PTPRD: variants seen among roughly 807,000 people sequenced by gnomAD.
PTPRD encodes the protein receptor-type tyrosine-protein phosphatase delta.
In PTPRD, 34 loss-of-function variants were observed where a neutral mutation model predicts 214.5. That is an observed-to-expected ratio of 0.16 (90% CI 0.12 to 0.21). The LOEUF (loss-of-function observed/expected upper bound fraction) is 0.21. Among genes scored for constraint, PTPRD ranks in the 10% least tolerant of loss-of-function variants. The pLI is 1.00. For synonymous variants in PTPRD, 1,128 were observed against 845.7 expected (o/e 1.33, Z -5.79); for missense variants, 2,545 against 2,398.7 (o/e 1.06, Z -1.27).
chr9:9,945,415 T>A (rs1462372366), intron 4 of PTPRD, among the ~76,000 whole-genome samples: 4 of 152,116 alleles, frequency 2.6e-5, no homozygotes, highest in Non-Finnish European at 5.9e-5. Flanking sequence ...AGTCCAACTT[T>A]TAGATACTGG....
intron 9 of PTPRD, among the ~76,000 whole-genome samples, chr9:9,233,789 CT>C (rs1324469456): frequency 6.6e-6 from 1 of 152,208 alleles, no homozygotes; most frequent in Non-Finnish European, 1.5e-5. Context: ...AACGCCATGT[CT>C]CACATCCAGT....
intron 8 of PTPRD, among the ~76,000 whole-genome samples, chr9:9,402,677 T>C (rs142912848): frequency 1.3e-5 from 2 of 151,832 alleles, no homozygotes; most frequent in African/African-American, 4.8e-5. Flanking sequence ...GATTATGAAA[T>C]GAGTATTTAA....
chr9:9,184,266 G>A (rs1385404635), intron 9 of PTPRD, among the ~76,000 whole-genome samples: 1 of 152,008 alleles, frequency 6.6e-6, no homozygotes, highest in African/African-American at 2.4e-5. Context: ...ATGGCTAACT[G>A]TTCACCAAAA....
intron 17 of PTPRD, chr9:8,525,295 A>C (rs918617390): frequency 8.0e-5 from 46 of 574,962 alleles, no homozygotes; most frequent in Non-Finnish European, 1.4e-4. Context: ...AGTCATAATT[A>C]ACACTCTTAT....
At chr9:8,899,649 C>T (rs1432950287) in intron 11 of PTPRD, among the ~76,000 whole-genome samples, 2 of 152,128 alleles carry the variant, frequency 1.3e-5, no homozygotes, top group African/African-American at 2.4e-5. Context: ...AAGGAAACAG[C>T]CTGTGTTTAG....
At chr9:10,501,329 T>C (rs929131705) in intron 2 of PTPRD, among the ~76,000 whole-genome samples, 3 of 152,072 alleles carry the variant, frequency 2.0e-5, no homozygotes, top group Non-Finnish European at 2.9e-5. Context: ...GTTTGCCATT[T>C]GTATTTTTTA....
chr9:9,106,866 G>A lies in PTPRD; in HGVS notation c.-143+76438C>T, dbSNP rs548606571. ...TCTTATTATCCTTGAATATACCTCA[G>A]CATAGACAGTGTGACATAATGTCTG... On this transcript the variant is annotated intron_variant, in intron 10 of 45. Transcript: ENST00000381196. Among the ~76,000 whole-genome samples the A allele has an allele frequency of 6.0e-4, 91 of 152,120 alleles. 1 individual carries two copies. The highest frequency in any genetic ancestry group is 2.1e-3 in the African/African-American group (89 of 41,530).
intron 2 of PTPRD, among the ~76,000 whole-genome samples, chr9:10,561,221 T>G (rs1212079100): frequency 1.3e-5 from 2 of 152,160 alleles, no homozygotes; most frequent in Non-Finnish European, 2.9e-5. Context: ...GGTTATTGAC[T>G]TTTTCATTTG....
chr9:9,095,790 A>T (rs998661541), intron 10 of PTPRD, among the ~76,000 whole-genome samples: 2 of 152,272 alleles, frequency 1.3e-5, no homozygotes, highest in Admixed American at 1.3e-4. Flanking sequence ...CTTTGTTAAG[A>T]TATTTTCATT....
At chr9:10,285,368 G>A (rs565258793) in intron 3 of PTPRD, among the ~76,000 whole-genome samples, 40 of 151,936 alleles carry the variant, frequency 2.6e-4, no homozygotes, top group Non-Finnish European at 4.6e-4. Flanking sequence ...GCATTTTGTC[G>A]GGGTTCAGAA....
At chr9:10,370,931 C>T (rs1286531064) in intron 2 of PTPRD, among the ~76,000 whole-genome samples, 1 of 151,764 alleles carries the variant, frequency 6.6e-6, no homozygotes, top group African/African-American at 2.4e-5. Context: ...GTGATCTTTG[C>T]CTGAAGTATT....
At chr9:9,665,470 G>C (rs2096704513) in intron 7 of PTPRD, among the ~76,000 whole-genome samples, 1 of 151,644 alleles carries the variant, frequency 6.6e-6, no homozygotes, top group African/African-American at 2.4e-5. Flanking sequence ...AAATTTATTA[G>C]ATACTTAACT....
intron 14 of PTPRD, among the ~76,000 whole-genome samples, chr9:8,594,190 C>A (rs934058123): frequency 6.6e-6 from 1 of 152,152 alleles, no homozygotes; most frequent in African/African-American, 2.4e-5. Flanking sequence ...ACTTTACAAT[C>A]CCCACTCCAT....
At chr9:8,962,767 G>C (rs114108259) in intron 11 of PTPRD, 2 of 152,090 alleles carry the variant, frequency 1.3e-5, no homozygotes, top group African/African-American at 2.4e-5. Context: ...ATGAAGAAAA[G>C]AAACTGGTTA....
intron 4 of PTPRD, among the ~76,000 whole-genome samples, chr9:10,017,615 G>A (rs1464786506): frequency 1.3e-5 from 2 of 151,892 alleles, no homozygotes; most frequent in African/African-American, 2.4e-5. Context: ...GAAGTAGGAG[G>A]CCAATTTTAA....
chr9:10,125,615 C>T (rs2098812406), intron 3 of PTPRD, among the ~76,000 whole-genome samples: 4 of 126,768 alleles, frequency 3.2e-5, no homozygotes, highest in African/African-American at 5.9e-5. Context: ...CTACCACGCT[C>T]GGCTAATTGT....
intron 3 of PTPRD, among the ~76,000 whole-genome samples, chr9:10,307,162 C>T (rs1396339531): frequency 1.3e-5 from 2 of 151,574 alleles, no homozygotes; most frequent in African/African-American, 2.4e-5. Context: ...AACATGAGCA[C>T]TTATTCCTTC....
chr9:9,067,415 T>C (rs751061096), intron 10 of PTPRD, among the ~76,000 whole-genome samples: 8 of 152,198 alleles, frequency 5.3e-5, no homozygotes, highest in African/African-American at 1.2e-4. Flanking sequence ...TTGTTAATAT[T>C]TGCTTATTTT....
chr9:9,848,760 C>G (rs1208701025), intron 5 of PTPRD, among the ~76,000 whole-genome samples: 1 of 152,046 alleles, frequency 6.6e-6, no homozygotes, highest in East Asian at 1.9e-4. Flanking sequence ...CAAAAGTGTG[C>G]TCATGTAGAC....
Sources: allele counts gnomAD v4.1 joint callset (sites outside exome capture counted in the v4.1 genomes callset), GRCh38; gene constraint gnomAD v4.1.1; transcripts MANE v1.5; gene names NCBI Gene and HGNC (gene_info 2026-07-23, HGNC 2026-07-21).